COBL: variants seen among roughly 807,000 people sequenced by gnomAD.
COBL encodes cordon-bleu WH2 repeat protein, also known as protein cordon-bleu.
In COBL, 51 loss-of-function variants were observed where a neutral mutation model predicts 98.8. The observed-to-expected ratio is 0.52, with a 90% CI of 0.41 to 0.65. The LOEUF is 0.65. Ranked by LOEUF, COBL falls within the 30% of genes least tolerant of loss-of-function variation. The pLI is 0.00. For missense variants in COBL, 1,617 were observed against 1,617.5 expected (o/e 1.00, Z 0.01); for synonymous variants, 634 against 651.7 (o/e 0.97, Z 0.41).
At position 51,086,271 on chromosome 7, in the gene COBL, C is replaced by T. The variant is rs566538329; in HGVS notation, c.958-967G>A. 8.2e-5 allele frequency among the ~76,000 whole-genome samples: 12 copies of T among 145,540 alleles called. No individual in the cohort carries two copies. In the East Asian group the frequency reaches 2.0e-3, roughly 25 times the overall value. ...ACTCAGGAGGCTGAGGCAGGAGAAT[C>T]GCTTGAACCCAGGAGGTGGAGGTTG... is the stretch of plus-strand genomic sequence containing the variant. On this transcript the variant is annotated intron_variant, in intron 6 of 12. Coordinates refer to ENST00000265136, the MANE Select transcript of COBL (RefSeq NM_015198.5).
chr7:51,238,560 T>A (rs1795485757), intron 1 of COBL, among the ~76,000 whole-genome samples: 3 of 152,176 alleles, frequency 2.0e-5, no homozygotes, highest in African/African-American at 7.2e-5. Flanking sequence ...CCAGAGCAAC[T>A]CCATCTTGAA....
rs909435823 is a variant in COBL, at chr7:51,196,297, C to T, written c.246-2708G>A. Among the ~76,000 whole-genome samples, 4 of 152,278 alleles carry T rather than the reference C, an allele frequency of 2.6e-5. No individual in the cohort carries two copies. In the South Asian group the frequency reaches 8.3e-4, roughly 32 times the overall value. The stretch of plus-strand genomic sequence containing the variant: ...TTTGTTCTGTTTATGTGATGAAATA[C>T]ATTTATTGATTTGCATATGTTGAAC... On this transcript the variant is annotated intron_variant, in intron 2 of 12. Coordinates refer to ENST00000265136, the MANE Select transcript of COBL (RefSeq NM_015198.5).
At chr7:51,112,648 T>C (rs1796939230) in intron 6 of COBL, among the ~76,000 whole-genome samples, 1 of 152,186 alleles carries the variant, frequency 6.6e-6, no homozygotes, top group Non-Finnish European at 1.5e-5. Context: ...GGGTCGGCTG[T>C]CCTTTGCACC....
rs560618996 is a variant in COBL at position 51,115,285 on chromosome 7, G to C, written c.957+20873C>G. The stretch of plus-strand genomic sequence containing the variant: ...ACTGCTTTCGATTTCACTGATCTCT[G>C]CTTTTATTTTTATTATATCTCTCTT... On this transcript the variant is annotated intron_variant, in intron 6 of 12. Coordinates refer to ENST00000265136, the MANE Select transcript of COBL (RefSeq NM_015198.5). Among the ~76,000 whole-genome samples, 49 of 151,914 alleles carry C rather than the reference G, an allele frequency of 3.2e-4. 1 individual carries two copies. Among genetic ancestry groups the C allele is most frequent in the African/African-American group, 1.2e-3 (49 of 41,440 alleles).
At chr7:51,066,139 A>G (rs1791899210) in intron 7 of COBL, among the ~76,000 whole-genome samples, 1 of 152,228 alleles carries the variant, frequency 6.6e-6, no homozygotes, top group Non-Finnish European at 1.5e-5. Context: ...AGTCCACGAC[A>G]GTGTCTGTGG....
intron 2 of COBL, among the ~76,000 whole-genome samples, chr7:51,217,340 C>CTTTTTTTTTTT (rs937958755): frequency 1.9e-3 from 247 of 127,626 alleles, no homozygotes; most frequent in Non-Finnish European, 2.7e-3. Flanking sequence ...TTTTCTTTTT[C>CTTTTTTTTTTT]TTTTTTTTTT....
At position 51,211,964 on chromosome 7, in the gene COBL, A is replaced by T. The variant is rs1190476579; in HGVS notation, c.245+7777T>A. 3.3e-5 allele frequency among the ~76,000 whole-genome samples: 5 copies of T among 152,182 alleles called. 1 individual carries two copies. In the South Asian group the frequency reaches 1.0e-3, roughly 32 times the overall value. The stretch of plus-strand genomic sequence containing the variant: ...TGGAAGGATAAAAGACAGTAACAAA[A>T]TGGAATGATTACCTTAAAATCAAGA... On this transcript the variant is annotated intron_variant, in intron 2 of 12. Transcript: ENST00000265136.
rs193065061 is a variant in COBL, at chr7:51,180,130, T to C, written c.783+3972A>G. 5.3e-5 allele frequency among the ~76,000 whole-genome samples: 8 copies of C among 152,368 alleles called. No homozygotes were observed. In the East Asian group the frequency reaches 1.5e-3, roughly 29 times the overall value. ...GCATAAGTTCAACAAGGATCTGTTTTCTTTTTTAACAAGACACATTGAAAG... is the reference window on the plus strand; with the variant it reads ...GCATAAGTTCAACAAGGATCTGTTTCCTTTTTTAACAAGACACATTGAAAG... On this transcript the variant is annotated intron_variant, in intron 5 of 12. Transcript: ENST00000265136.
chr7:51,235,423 T>G (rs1795164187), intron 1 of COBL, among the ~76,000 whole-genome samples: 1 of 152,212 alleles, frequency 6.6e-6, no homozygotes, highest in South Asian at 2.1e-4. Flanking sequence ...CATCTCTTCC[T>G]ACGTCCAAGA....
In COBL at chr7:51,083,274, C is replaced by T. The variant is rs893802745; in HGVS notation, c.1096+1892G>A. The T allele has an allele frequency of 1.1e-5, 15 of 1,407,808 alleles. No homozygotes were observed. The African/African-American group carries it at 1.3e-4, about 12-fold the overall frequency. The allele number at this position is 1,407,808 out of a possible 1,614,324, so 87.2% of individuals were successfully genotyped here. A position where few individuals can be genotyped will look rare whatever the true frequency, so the allele number is the denominator to read the frequency against. ...GTTACTTCAGCAGGTTAAACCAAGC[C>T]GTCACTCACTAGGCACCAAATCCAA... is the stretch of plus-strand genomic sequence containing the variant. On this transcript the variant is annotated intron_variant, in intron 7 of 12. Coordinates refer to ENST00000265136, the MANE Select transcript of COBL (RefSeq NM_015198.5).
intron 6 of COBL, among the ~76,000 whole-genome samples, chr7:51,095,342 G>A (rs1026415078): frequency 2.2e-4 from 34 of 152,272 alleles, no homozygotes; most frequent in African/African-American, 7.5e-4. Context: ...CTCACGACAC[G>A]TGAGAACTAT....
intron 12 of COBL, among the ~76,000 whole-genome samples, chr7:51,024,653 GTGAATGAATGAATGAATGAA>G (rs3216937): frequency 6.0e-4 from 91 of 151,184 alleles, no homozygotes; most frequent in Non-Finnish European, 1.1e-3. Context: ...GCATGTACGA[GTGAATGAATGAATGAATGAA>G]TGAATGAATG....
intron 2 of COBL, among the ~76,000 whole-genome samples, chr7:51,197,750 C>A (rs1790729067): frequency 6.6e-6 from 1 of 152,100 alleles, no homozygotes; most frequent in South Asian, 2.1e-4. Context: ...TGAATTTAAC[C>A]CTTTACCATT....
chr7:51,298,347 C>T (rs1185469732), intron 1 of COBL, among the ~76,000 whole-genome samples: 1 of 152,242 alleles, frequency 6.6e-6, no homozygotes, highest in Non-Finnish European at 1.5e-5. Context: ...CAATAGGTAA[C>T]TACTACACCT....
intron 5 of COBL, among the ~76,000 whole-genome samples, chr7:51,144,930 A>G (rs538663135): frequency 1.2e-4 from 18 of 152,342 alleles, no homozygotes; most frequent in African/African-American, 4.1e-4. Context: ...TTATCCACTC[A>G]TCTGTTCATG....
At chr7:51,083,305 C>T (rs547258956) in intron 7 of COBL, 1 of 1,136,170 alleles carries the variant, frequency 8.8e-7, no homozygotes, top group Non-Finnish European at 1.2e-6. Flanking sequence ...TCCAACCTCA[C>T]TGGGCACCAG....
intron 7 of COBL, among the ~76,000 whole-genome samples, chr7:51,053,662 G>A (rs1010613423): frequency 6.6e-6 from 1 of 152,202 alleles, no homozygotes; most frequent in Non-Finnish European, 1.5e-5. Context: ...ACCCTGTAAT[G>A]TCAGTCATCC....
intron 6 of COBL, among the ~76,000 whole-genome samples, chr7:51,089,285 G>A (rs1057102327): frequency 7.2e-5 from 11 of 152,122 alleles, no homozygotes; most frequent in Admixed American, 3.3e-4. Flanking sequence ...AGGCTGAGGC[G>A]GGTGGATTAC....
Position 51,288,984 on chromosome 7 carries a change from GT to G in COBL, c.41+27608del, listed in dbSNP as rs201127003. Among the ~76,000 whole-genome samples, 1,110 of 152,264 alleles carry G rather than the reference GT, an allele frequency of 7.3e-3. 7 individuals are homozygous for G. The highest frequency in any genetic ancestry group is 8.5e-3 in the Non-Finnish European group (575 of 68,022). ...GAACAATATAAAATAGTCCTCAGGA[GT>G]GCAGGGCCAAAACGTCTTGTTTCCA... On this transcript the variant is annotated intron_variant, in intron 1 of 12. Coordinates refer to ENST00000265136, the MANE Select transcript of COBL (RefSeq NM_015198.5).
Sources: allele counts gnomAD v4.1 joint callset (sites outside exome capture counted in the v4.1 genomes callset), GRCh38; gene constraint gnomAD v4.1.1; transcripts MANE v1.5; gene names NCBI Gene and HGNC (gene_info 2026-07-23, HGNC 2026-07-21).